The following ZNF385D variants were observed in gnomAD, a reference collection of about 807,000 sequenced individuals.
ZNF385D encodes the protein zinc finger protein 659.
In ZNF385D, 15 loss-of-function variants were observed where a neutral mutation model predicts 35.8. That is an observed-to-expected ratio of 0.42 (90% confidence interval 0.28 to 0.64). ZNF385D has a LOEUF of 0.64. Among genes scored for constraint, ZNF385D ranks in the 30% least tolerant of loss-of-function variants. The pLI is 0.23. For missense variants in ZNF385D, 474 were observed against 494.6 expected, an observed-to-expected ratio of 0.96 and a Z score of 0.39; for synonymous variants, 212 against 186.8, an observed-to-expected ratio of 1.13 and a Z score of -1.10.
At chr3:22,201,030 A>G (rs1696757684) in intron 2 of ZNF385D, among the ~76,000 whole-genome samples, 1 of 152,148 alleles carries the variant, frequency 6.6e-6, no homozygotes, top group South Asian at 2.1e-4. Flanking sequence ...CTGAGGTGAC[A>G]TACATCCTCC....
intron 3 of ZNF385D, among the ~76,000 whole-genome samples, chr3:21,829,658 A>C (rs958275281): frequency 6.6e-6 from 1 of 152,036 alleles, no homozygotes; most frequent in Non-Finnish European, 1.5e-5. Flanking sequence ...GTAGTGAGAC[A>C]AGTTGGGAGG....
Position 21,815,381 on chromosome 3 carries a change from T to C in ZNF385D, c.326-150353A>G, listed in dbSNP as rs962389452. On this transcript the variant is annotated intron_variant, in intron 3 of 5. Transcript: ENST00000494108. ...GAGACACAAAATACCCTTCAAAAAA[T>C]CAATGAATCAAGGAGCTGTTTTTTG... Among the ~76,000 whole-genome samples the C allele has an allele frequency of 1.8e-4, 27 of 151,940 alleles. 1 individual carries two copies. Among genetic ancestry groups the C allele is most frequent in the Admixed American group, 1.7e-3 (26 of 15,254 alleles).
chr3:21,675,999 G>A (rs1023568930), intron 1 of ZNF385D, among the ~76,000 whole-genome samples: 2 of 152,062 alleles, frequency 1.3e-5, no homozygotes, highest in Non-Finnish European at 2.9e-5. Flanking sequence ...GTTCCGTTGT[G>A]ATTTTTTCCA....
intron 2 of ZNF385D, among the ~76,000 whole-genome samples, chr3:22,202,736 G>A (rs1330928866): frequency 2.0e-5 from 3 of 152,110 alleles, no homozygotes; most frequent in Non-Finnish European, 4.4e-5. Flanking sequence ...CAGAGAATCT[G>A]TGAGCTTGGG....
At chr3:21,819,916 C>T (rs1233838249) in intron 3 of ZNF385D, among the ~76,000 whole-genome samples, 2 of 149,202 alleles carry the variant, frequency 1.3e-5, no homozygotes, top group Non-Finnish European at 3.0e-5. Context: ...CAGATATATA[C>T]ATACATATAC....
intron 2 of ZNF385D, among the ~76,000 whole-genome samples, chr3:22,217,371 T>G (rs982610768): frequency 1.3e-5 from 2 of 152,134 alleles, no homozygotes; most frequent in Non-Finnish European, 2.9e-5. Context: ...GAACACAAAC[T>G]TCTTCCTTCA....
intron 3 of ZNF385D, among the ~76,000 whole-genome samples, chr3:22,145,008 A>ATGTG (rs1491569884): frequency 8.1e-5 from 5 of 61,750 alleles, no homozygotes; most frequent in South Asian, 8.6e-4. Flanking sequence ...TTGAAGATAC[A>ATGTG]TATGTGTGTG....
chr3:21,632,715 C>A, intron 2 of ZNF385D, among the ~76,000 whole-genome samples: 1 of 152,064 alleles, frequency 6.6e-6, no homozygotes, highest in South Asian at 2.1e-4. Flanking sequence ...GTTGCTTTCC[C>A]TAATTTGTAG....
At chr3:21,945,144 G>GTATGTA (rs1491234736) in intron 3 of ZNF385D, among the ~76,000 whole-genome samples, 2 of 150,396 alleles carry the variant, frequency 1.3e-5, no homozygotes, top group African/African-American at 2.4e-5. Flanking sequence ...ATATGTATAT[G>GTATGTA]CATATATATA....
At chr3:21,639,909 A>C (rs1314975339) in intron 2 of ZNF385D, among the ~76,000 whole-genome samples, 2 of 152,050 alleles carry the variant, frequency 1.3e-5, no homozygotes, top group Non-Finnish European at 2.9e-5. Flanking sequence ...ATTGAGACCA[A>C]ACATTTCAGA....
intron 2 of ZNF385D, among the ~76,000 whole-genome samples, chr3:21,570,244 C>T (rs1371781911): frequency 6.6e-6 from 1 of 152,154 alleles, no homozygotes; most frequent in African/African-American, 2.4e-5. Context: ...TGTTTTTCTT[C>T]ATTTCAGACT....
intron 3 of ZNF385D, among the ~76,000 whole-genome samples, chr3:21,968,944 G>T (rs1310455293): frequency 1.3e-5 from 2 of 152,208 alleles, no homozygotes; most frequent in Non-Finnish European, 2.9e-5. Context: ...TGGCCAAGCT[G>T]CTGGATGATA....
At chr3:22,126,964 A>G (rs1342422333) in intron 3 of ZNF385D, among the ~76,000 whole-genome samples, 1 of 152,020 alleles carries the variant, frequency 6.6e-6, no homozygotes, top group East Asian at 1.9e-4. Flanking sequence ...TGTCTTAACA[A>G]TTTCTTCTAT....
At chr3:22,257,104 A>G (rs1700357071) in intron 2 of ZNF385D, among the ~76,000 whole-genome samples, 1 of 151,832 alleles carries the variant, frequency 6.6e-6, no homozygotes, top group African/African-American at 2.4e-5. Context: ...AAACAACAGG[A>G]CCTTGGGAGA....
chr3:22,321,354 AC>A (rs1458228268), intron 2 of ZNF385D, among the ~76,000 whole-genome samples: 6 of 151,710 alleles, frequency 4.0e-5, no homozygotes, highest in African/African-American at 1.5e-4. Flanking sequence ...ATATGTGTGT[AC>A]TTTTTTTAAA....
chr3:21,454,293 A>G (rs1358535780), intron 4 of ZNF385D, among the ~76,000 whole-genome samples: 1 of 142,146 alleles, frequency 7.0e-6, no homozygotes, highest in East Asian at 2.3e-4. Context: ...AACATTGTGA[A>G]TATAGTAAAG....
chr3:21,756,162 C>G (rs993809161), upstream of ZNF385D, among the ~76,000 whole-genome samples: 2 of 152,120 alleles, frequency 1.3e-5, no homozygotes, highest in Admixed American at 6.6e-5. Context: ...GGTTAGGAAG[C>G]CTTTGTAGTA....
intron 3 of ZNF385D, among the ~76,000 whole-genome samples, chr3:22,132,056 A>T (rs1703829817): frequency 6.6e-6 from 1 of 152,162 alleles, no homozygotes; most frequent in African/African-American, 2.4e-5. Flanking sequence ...ATCAATTGAT[A>T]AAGAGGAAAA....
At chr3:22,281,167 C>A (rs1381201325) in intron 2 of ZNF385D, among the ~76,000 whole-genome samples, 3 of 151,960 alleles carry the variant, frequency 2.0e-5, no homozygotes, top group African/African-American at 7.2e-5. Context: ...GGTATATGAT[C>A]CTGTCATCAG....
Sources: allele counts gnomAD v4.1 joint callset (sites outside exome capture counted in the v4.1 genomes callset), GRCh38; gene constraint gnomAD v4.1.1; transcripts MANE v1.5; gene names NCBI Gene and HGNC (gene_info 2026-07-23, HGNC 2026-07-21).